Variants in EPS15 observed in about 807,000 individuals in gnomAD.
EPS15 encodes the protein epidermal growth factor receptor pathway substrate 15.
In EPS15, 72 loss-of-function variants were observed where a neutral mutation model predicts 113.8. That is an observed-to-expected ratio of 0.63 (90% CI 0.52 to 0.77). The LOEUF is 0.77. Ranked by LOEUF, EPS15 falls within the 30% of genes least tolerant of loss-of-function variation. EPS15 has a pLI of 0.00. For missense variants in EPS15, 1,048 were observed against 1,045.8 expected, an observed-to-expected ratio of 1.00 and a Z score of -0.03; for synonymous variants, 344 against 363.4, an observed-to-expected ratio of 0.95 and a Z score of 0.61.
chr1:51,403,232 T>C (rs1648755890), intron 17 of EPS15, among the ~76,000 whole-genome samples, 187 bp downstream of exon 17: 2 of 152,196 alleles, frequency 1.3e-5, no homozygotes, highest in South Asian at 4.1e-4. Flanking sequence ...TTTATATGTA[T>C]AAATTCAAGG....
At chr1:51,510,333 T>G (rs551708848) in intron 1 of EPS15, among the ~76,000 whole-genome samples, 1 of 152,286 alleles carries the variant, frequency 6.6e-6, no homozygotes, top group Admixed American at 6.5e-5. Flanking sequence ...GCATAGCAAA[T>G]GTACTTGGAG....
chr1:51,397,993 T>C (rs972450167), intron 20 of EPS15, among the ~76,000 whole-genome samples: 3 of 152,082 alleles, frequency 2.0e-5, no homozygotes, highest in Non-Finnish European at 4.4e-5. Flanking sequence ...CATGGAAGCT[T>C]GTTAAAATAT....
intron 24 of EPS15, among the ~76,000 whole-genome samples, chr1:51,359,177 G>C (rs1000464439): frequency 5.9e-5 from 9 of 152,020 alleles, no homozygotes; most frequent in African/African-American, 2.2e-4. Flanking sequence ...TGGATGCGGT[G>C]GCTCACCCCT....
At chr1:51,510,531 C>A (rs185975205) in intron 1 of EPS15, among the ~76,000 whole-genome samples, 3 of 152,184 alleles carry the variant, frequency 2.0e-5, no homozygotes, top group African/African-American at 7.2e-5. Flanking sequence ...TCCTTCTCAA[C>A]AGTGGCATAA....
intron 1 of EPS15, among the ~76,000 whole-genome samples, chr1:51,508,383 A>AGAAAGAAG (rs1644560993): frequency 6.7e-6 from 1 of 149,674 alleles, no homozygotes; most frequent in Non-Finnish European, 1.5e-5. Context: ...AAAGAAAGAA[A>AGAAAGAAG]GAGAAAATTT....
intron 21 of EPS15, 68 bp from the exon 22 acceptor site, chr1:51,366,097 C>G: frequency 1.2e-5 from 12 of 1,025,298 alleles, no homozygotes; most frequent in Non-Finnish European, 1.8e-5. Context: ...GACAGAGTCT[C>G]ACTCTGTCCA....
chr1:51,424,399 T>C (rs960383078), intron 12 of EPS15, among the ~76,000 whole-genome samples: 1 of 152,222 alleles, frequency 6.6e-6, no homozygotes, highest in Non-Finnish European at 1.5e-5. Context: ...TACTTGACCA[T>C]ATTTCTTATA....
intron 1 of EPS15, among the ~76,000 whole-genome samples, chr1:51,515,481 CAAAAA>C (rs111828890): frequency 2.4e-4 from 28 of 115,470 alleles, no homozygotes; most frequent in African/African-American, 6.7e-4. Flanking sequence ...CAAAACAAAA[CAAAAA>C]AAAAAAAAAA....
chr1:51,508,864 A>C (rs1366058049), intron 1 of EPS15, among the ~76,000 whole-genome samples: 1 of 152,232 alleles, frequency 6.6e-6, no homozygotes, highest in Non-Finnish European at 1.5e-5. Flanking sequence ...AATACAATTT[A>C]ACTTGAATCA....
intron 8 of EPS15, among the ~76,000 whole-genome samples, chr1:51,453,195 AAC>A (rs1653716077): frequency 1.3e-5 from 2 of 152,204 alleles, no homozygotes; most frequent in South Asian, 4.1e-4. Flanking sequence ...TGTACACATT[AAC>A]AGTCAGCACT....
At chr1:51,491,569 T>C (rs1368786918) in intron 1 of EPS15, among the ~76,000 whole-genome samples, 2 of 152,088 alleles carry the variant, frequency 1.3e-5, no homozygotes, top group African/African-American at 4.8e-5. Flanking sequence ...TGAAAAATAG[T>C]AAGGAGCAAT....
chr1:51,504,789 T>C (rs979357232), intron 1 of EPS15, among the ~76,000 whole-genome samples: 4 of 152,178 alleles, frequency 2.6e-5, no homozygotes, highest in Admixed American at 1.3e-4. Flanking sequence ...CTCATCCCGG[T>C]ACACTGCTGG....
At chr1:51,465,211 T>C (rs1433551332) in intron 6 of EPS15, 50 bp downstream of exon 6, 5 of 1,093,586 alleles carry the variant, frequency 4.6e-6, no homozygotes, top group Non-Finnish European at 5.6e-6. Flanking sequence ...AGAGAGAGAG[T>C]AGATAGGAAG....
At chr1:51,359,713 G>A (rs553021306) in intron 24 of EPS15, among the ~76,000 whole-genome samples, 2 of 150,592 alleles carry the variant, frequency 1.3e-5, no homozygotes, top group Non-Finnish European at 3.0e-5. Context: ...AGCCAAGATC[G>A]CGCCTCCAGC....
intron 8 of EPS15, among the ~76,000 whole-genome samples, chr1:51,452,917 G>A (rs1653691851): frequency 6.6e-6 from 1 of 152,178 alleles, no homozygotes; most frequent in Admixed American, 6.5e-5. Context: ...GCAAGGTTGG[G>A]CCTGAGAATT....
At chr1:51,374,773 T>C (rs76668379) in intron 21 of EPS15, among the ~76,000 whole-genome samples, 6,681 of 152,136 alleles carry the variant, frequency 0.044, 224 homozygotes, top group Middle Eastern at 0.11. Flanking sequence ...TCTCGCTCTG[T>C]TGCTCAGGCG....
chr1:51,393,944 T>C (rs535541217), intron 21 of EPS15, among the ~76,000 whole-genome samples: 1 of 152,318 alleles, frequency 6.6e-6, no homozygotes, highest in East Asian at 1.9e-4. Flanking sequence ...AAATGAAGTA[T>C]GAAGACTGGA....
At chr1:51,418,800 G>A (rs993067650) in intron 13 of EPS15, among the ~76,000 whole-genome samples, 2 of 152,184 alleles carry the variant, frequency 1.3e-5, no homozygotes, top group African/African-American at 4.8e-5. Context: ...TTAAGTGTTT[G>A]TTATTTTTAT....
chr1:51,468,342 G>C, intron 5 of EPS15, 131 bp downstream of exon 5: 1 of 707,994 alleles, frequency 1.4e-6, no homozygotes, highest in Admixed American at 2.3e-5. Flanking sequence ...CCAGTAGGGG[G>C]AAAAAAGCCA....
Sources: gnomAD v4.1 joint callset for allele counts (sites outside exome capture counted in the v4.1 genomes callset) on GRCh38, gnomAD v4.1.1 for gene constraint, MANE v1.5 for transcripts, NCBI Gene and HGNC (gene_info 2026-07-23, HGNC 2026-07-21) for gene names.